The following TBC1D5 variants were observed in gnomAD, a reference collection of about 807,000 sequenced individuals.
TBC1D5 encodes the protein TBC1 domain family, member 5.
A neutral mutation model predicts 100.3 loss-of-function variants in TBC1D5; 75 were observed. The ratio of observed to expected loss-of-function variants is 0.75; its 90% CI spans 0.62 to 0.91. The LOEUF is 0.91. Ranked by LOEUF, TBC1D5 falls within the 40% of genes least tolerant of loss-of-function variation. The pLI is 0.00. For synonymous variants in TBC1D5, 323 were observed against 325.6 expected (o/e 0.99, Z 0.09); for missense variants, 910 against 942.4 (o/e 0.97, Z 0.45).
At chr3:17,173,291 C>T (rs190895459) in intron 19 of TBC1D5, among the ~76,000 whole-genome samples, 6 of 152,246 alleles carry the variant, frequency 3.9e-5, no homozygotes, top group Admixed American at 6.5e-5. Flanking sequence ...GATGAAGGCA[C>T]CAGAGATATG....
intron 1 of TBC1D5, among the ~76,000 whole-genome samples, chr3:17,650,112 G>A (rs1369053306): frequency 2.0e-5 from 3 of 151,968 alleles, no homozygotes; most frequent in South Asian, 2.1e-4. Context: ...ATGGACACAG[G>A]GAGGGAACAT....
chr3:17,581,673 C>A (rs377266153), intron 2 of TBC1D5, among the ~76,000 whole-genome samples: 2 of 152,214 alleles, frequency 1.3e-5, no homozygotes, highest in African/African-American at 4.8e-5. Context: ...GAATCTTCTA[C>A]ATGATCTCTC....
intron 13 of TBC1D5, among the ~76,000 whole-genome samples, chr3:17,315,048 G>A (rs2084509551): frequency 2.0e-5 from 3 of 152,212 alleles, no homozygotes; most frequent in Admixed American, 1.3e-4. Context: ...TAGTTCCCAG[G>A]AGATACTGAT....
intron 1 of TBC1D5, among the ~76,000 whole-genome samples, chr3:17,731,018 C>A (rs2076508653): frequency 6.6e-6 from 1 of 151,846 alleles, no homozygotes; most frequent in South Asian, 2.1e-4. Context: ...ACAACACAGA[C>A]TTGGTAGTAT....
intron 3 of TBC1D5, among the ~76,000 whole-genome samples, chr3:17,462,809 T>C (rs1284218542): frequency 6.6e-6 from 1 of 152,224 alleles, no homozygotes; most frequent in African/African-American, 2.4e-5. Context: ...AGATCCATCC[T>C]ATGGATCTTC....
In TBC1D5 at chr3:17,536,885, G is replaced by T. The variant is rs560373517; in HGVS notation, c.-35-28280C>A. ...GAAAGAAATGTTTGAGTTAAGATAA[G>T]GCAGATTATGGCCAAAGTTTTGTTA... is the stretch of plus-strand genomic sequence containing the variant. On this transcript the variant is annotated intron_variant, in intron 2 of 21. Transcript: ENST00000253692. Among the ~76,000 whole-genome samples, 4 of 152,248 alleles carry T rather than the reference G, an allele frequency of 2.6e-5. No individual in the cohort carries two copies. The East Asian group carries it at 7.7e-4, about 29-fold the overall frequency.
chr3:17,470,570 T>C (rs1441545994), intron 3 of TBC1D5, among the ~76,000 whole-genome samples: 1 of 152,154 alleles, frequency 6.6e-6, no homozygotes, highest in East Asian at 1.9e-4. Flanking sequence ...GATTGTAAAA[T>C]GTATGTATTA....
At chr3:17,288,360 G>A (rs1259824949) in intron 15 of TBC1D5, among the ~76,000 whole-genome samples, 2 of 152,054 alleles carry the variant, frequency 1.3e-5, no homozygotes, top group Admixed American at 1.3e-4. Context: ...GACAGGGATG[G>A]GTCCCTGATG....
intron 2 of TBC1D5, among the ~76,000 whole-genome samples, chr3:17,547,266 A>G (rs941597928): frequency 6.6e-6 from 1 of 151,572 alleles, no homozygotes; most frequent in African/African-American, 2.4e-5. Context: ...AATATTTAAT[A>G]AGGTTACGAT....
chr3:17,616,683 C>CT (rs1343791643), intron 2 of TBC1D5, among the ~76,000 whole-genome samples: 1 of 152,104 alleles, frequency 6.6e-6, no homozygotes, highest in Non-Finnish European at 1.5e-5. Flanking sequence ...GGCTTATAGT[C>CT]TGTTTTATCA....
rs180890348 is a variant in TBC1D5 at position 17,671,858 on chromosome 3, A to G, written c.-100-47945T>C. Reference sequence around the variant, plus strand: ...TCATTTTTGGTACATAACGTATTGCACTATGAGAGCAGCATCTGTTTATTA... The same window carrying G: ...TCATTTTTGGTACATAACGTATTGCGCTATGAGAGCAGCATCTGTTTATTA... On this transcript the variant is annotated intron_variant, in intron 1 of 21. Transcript: ENST00000253692. Among the ~76,000 whole-genome samples, 36 of 152,376 alleles carry G rather than the reference A, an allele frequency of 2.4e-4. No individual in the cohort carries two copies. The East Asian group carries it at 6.9e-3, about 29-fold the overall frequency.
At chr3:17,652,498 T>C (rs2065672115) in intron 1 of TBC1D5, among the ~76,000 whole-genome samples, 1 of 152,144 alleles carries the variant, frequency 6.6e-6, no homozygotes. Flanking sequence ...AGAAAAAGTA[T>C]TCTAAATAAG....
At chr3:17,556,649 A>T (rs2096524107) in intron 2 of TBC1D5, among the ~76,000 whole-genome samples, 1 of 152,248 alleles carries the variant, frequency 6.6e-6, no homozygotes, top group African/African-American at 2.4e-5. Flanking sequence ...TTTTTAAAAG[A>T]TAATCTTAAA....
chr3:17,343,030 T>C (rs550720276), intron 13 of TBC1D5, among the ~76,000 whole-genome samples: 22 of 152,286 alleles, frequency 1.4e-4, no homozygotes, highest in African/African-American at 5.3e-4. Flanking sequence ...AGAGAGGGCA[T>C]CCCTGTCTTG....
At chr3:17,542,276 G>A (rs532055892) in intron 2 of TBC1D5, among the ~76,000 whole-genome samples, 2 of 152,206 alleles carry the variant, frequency 1.3e-5, no homozygotes, top group Admixed American at 1.3e-4. Context: ...GGGCAACAGA[G>A]CAAGACTTTG....
intron 8 of TBC1D5, among the ~76,000 whole-genome samples, chr3:17,396,079 C>A (rs376511295): frequency 6.6e-6 from 1 of 151,996 alleles, no homozygotes; most frequent in Non-Finnish European, 1.5e-5. Context: ...CACAGGTTGC[C>A]GACAACTCTT....
intron 19 of TBC1D5, among the ~76,000 whole-genome samples, chr3:17,172,533 T>C (rs956313545): frequency 2.0e-5 from 3 of 152,202 alleles, no homozygotes; most frequent in Non-Finnish European, 1.5e-5. Flanking sequence ...AAAAGGAAGA[T>C]TACACTCTTT....
At chr3:17,337,719 A>G (rs1006011578) in intron 13 of TBC1D5, 4 of 152,184 alleles carry the variant, frequency 2.6e-5, no homozygotes, top group African/African-American at 7.2e-5. Flanking sequence ...AATAAATAAC[A>G]TCTCTATATA....
intron 4 of TBC1D5, among the ~76,000 whole-genome samples, chr3:17,426,480 A>G (rs890738429): frequency 1.3e-5 from 2 of 151,748 alleles, no homozygotes; most frequent in Admixed American, 1.3e-4. Context: ...TTAAAAGTAC[A>G]TTTTTACATA....
Sources: allele counts gnomAD v4.1 joint callset (sites outside exome capture counted in the v4.1 genomes callset), GRCh38; gene constraint gnomAD v4.1.1; transcripts MANE v1.5; gene names NCBI Gene and HGNC (gene_info 2026-07-23, HGNC 2026-07-21).